Variants in RAPGEF4 observed in about 807,000 individuals in gnomAD.
The protein encoded by RAPGEF4 is RAP guanine-nucleotide-exchange factor (GEF) 4.
A neutral mutation model predicts 147.9 loss-of-function variants in RAPGEF4; 66 were observed. The ratio of observed to expected loss-of-function variants is 0.45; its 90% confidence interval spans 0.37 to 0.55. RAPGEF4 has a LOEUF of 0.55. Among genes scored for constraint, RAPGEF4 ranks in the 20% least tolerant of loss-of-function variants. The pLI, the probability that RAPGEF4 is intolerant of heterozygous loss-of-function variation, is 0.00. For synonymous variants in RAPGEF4, 419 were observed against 442.7 expected, an observed-to-expected ratio of 0.95 and a Z score of 0.67; for missense variants, 1,071 against 1,257.3, an observed-to-expected ratio of 0.85 and a Z score of 2.24.
At chr2:172,739,405 T>A (rs1238399042) in intron 1 of RAPGEF4, among the ~76,000 whole-genome samples, 1 of 151,988 alleles carries the variant, frequency 6.6e-6, no homozygotes, top group Non-Finnish European at 1.5e-5. Context: ...GGAGTCTCAC[T>A]CTGTCACCCA....
At chr2:172,736,089 G>C in intron 1 of RAPGEF4, 41 bp downstream of exon 1, 1 of 1,419,808 alleles carries the variant, frequency 7.0e-7, no homozygotes, top group Non-Finnish European at 9.3e-7. Flanking sequence ...GAGCTCTGCG[G>C]TGCTGCCCGG....
intron 4 of RAPGEF4, among the ~76,000 whole-genome samples, chr2:172,888,092 G>GT (rs1161166627): frequency 1.3e-5 from 2 of 152,176 alleles, no homozygotes; most frequent in Non-Finnish European, 2.9e-5. Flanking sequence ...CTGGAACCAA[G>GT]TAGATGCTCA....
At chr2:172,806,025 G>C (rs199682809) in intron 3 of RAPGEF4, among the ~76,000 whole-genome samples, 12,000 of 96,024 alleles carry the variant, frequency 0.12, 676 homozygotes, top group East Asian at 0.23. Context: ...CTGTGTGTGT[G>C]TGTGTGTGTG....
chr2:172,775,083 T>C (rs894816348), intron 1 of RAPGEF4, among the ~76,000 whole-genome samples: 4 of 152,202 alleles, frequency 2.6e-5, no homozygotes, highest in African/African-American at 9.6e-5. Flanking sequence ...GCTTTTGGCA[T>C]TTAAGAAGCC....
intron 1 of RAPGEF4, among the ~76,000 whole-genome samples, chr2:172,746,443 C>T (rs896017341): frequency 3.9e-5 from 6 of 152,004 alleles, no homozygotes; most frequent in African/African-American, 1.2e-4. Flanking sequence ...GAACATAGCC[C>T]CTCTAATTGC....
intron 22 of RAPGEF4, among the ~76,000 whole-genome samples, chr2:173,019,180 G>A (rs1695797969): frequency 6.6e-6 from 1 of 152,252 alleles, no homozygotes; most frequent in Non-Finnish European, 1.5e-5. Flanking sequence ...TCCAAAGTTG[G>A]AAGTGGTCAG....
rs554473660 is a variant in RAPGEF4 at position 172,816,516 on chromosome 2, C to G, written c.444+2091C>G. On this transcript the variant is annotated intron_variant, in intron 4 of 30. Coordinates refer to ENST00000397081, the MANE Select transcript of RAPGEF4 (RefSeq NM_007023.4). Reference sequence around the variant, plus strand: ...GAAAAGTGATGCTGAGGATATTGCTCTGTTGATGCTACGTTTGATCCCTTG... The same window carrying G: ...GAAAAGTGATGCTGAGGATATTGCTGTGTTGATGCTACGTTTGATCCCTTG... Among the ~76,000 whole-genome samples the G allele has an allele frequency of 1.9e-4, 29 of 152,316 alleles. No individual in the cohort carries two copies. In the South Asian group the frequency reaches 6.0e-3, roughly 32 times the overall value.
intron 4 of RAPGEF4, chr2:172,893,999 G>A (rs1196224306): frequency 6.5e-6 from 1 of 152,808 alleles, no homozygotes; most frequent in Non-Finnish European, 1.5e-5. Context: ...CTACTGGAAA[G>A]CCCCTATTTT....
chr2:173,016,066 C>T (rs1695483053), intron 18 of RAPGEF4, among the ~76,000 whole-genome samples: 1 of 152,064 alleles, frequency 6.6e-6, no homozygotes, highest in African/African-American at 2.4e-5. Flanking sequence ...TATAAATTTT[C>T]CCATTGTAAC....
intron 18 of RAPGEF4, 126 bp from the exon 19 acceptor site, chr2:173,016,223 C>A (rs1695494913): frequency 9.1e-6 from 6 of 657,270 alleles, no homozygotes; most frequent in East Asian, 2.6e-5. Flanking sequence ...TTCCTCCAGT[C>A]CATGAAGCCA....
intron 6 of RAPGEF4, among the ~76,000 whole-genome samples, chr2:172,930,529 CCT>C (rs1266307572): frequency 6.6e-6 from 1 of 152,156 alleles, no homozygotes; most frequent in African/African-American, 2.4e-5. Flanking sequence ...TGTTTGCCCC[CCT>C]CTTTTGAATG....
intron 1 of RAPGEF4, among the ~76,000 whole-genome samples, chr2:172,757,666 T>C (rs1695906369): frequency 6.6e-6 from 1 of 152,252 alleles, no homozygotes; most frequent in African/African-American, 2.4e-5. Flanking sequence ...GAATTAAGTG[T>C]ATGAATGTCA....
chr2:172,828,462 G>A (rs1398466236), intron 4 of RAPGEF4, among the ~76,000 whole-genome samples: 2 of 152,156 alleles, frequency 1.3e-5, no homozygotes, highest in African/African-American at 4.8e-5. Flanking sequence ...GAGCCTCCTG[G>A]CCTTTCTTGA....
chr2:172,996,631 T>G, intron 16 of RAPGEF4, 77 bp downstream of exon 16: 1 of 1,024,990 alleles, frequency 9.8e-7, no homozygotes, highest in Admixed American at 2.7e-5. Flanking sequence ...TCATTTGCAG[T>G]GTGTATAGCG....
chr2:173,003,998 C>T (rs569697552), intron 17 of RAPGEF4, among the ~76,000 whole-genome samples: 2 of 152,224 alleles, frequency 1.3e-5, no homozygotes, highest in South Asian at 2.1e-4. Flanking sequence ...TTCATAGCAG[C>T]CCTATGAAGA....
intron 15 of RAPGEF4, among the ~76,000 whole-genome samples, chr2:172,991,683 A>G (rs1022818064): frequency 5.3e-5 from 8 of 152,222 alleles, no homozygotes; most frequent in Non-Finnish European, 1.2e-4. Context: ...AAAAACACCA[A>G]TTCTGTAGCT....
Position 172,985,428 on chromosome 2 carries a change from T to C in RAPGEF4, c.1090-5T>C, listed in dbSNP as rs1692148527. On this transcript the variant is annotated splice_polypyrimidine_tract_variant and splice_region_variant and intron_variant, in intron 11 of 30. Coordinates refer to ENST00000397081, the MANE Select transcript of RAPGEF4 (RefSeq NM_007023.4). The stretch of plus-strand genomic sequence containing the variant: ...CTTTGCATGTTTCTTCTGTTTTTCT[T>C]CTAGGTGAAACGAGAGTTAGCAGGT... 1 of 1,613,922 alleles carries C rather than the reference T, an allele frequency of 6.2e-7. No individual in the cohort carries two copies. The highest frequency in any genetic ancestry group is 1.3e-5 in the African/African-American group (1 of 74,930).
At chr2:172,786,179 G>A (rs1172465769) in intron 1 of RAPGEF4, among the ~76,000 whole-genome samples, 1 of 152,112 alleles carries the variant, frequency 6.6e-6, no homozygotes, top group Non-Finnish European at 1.5e-5. Flanking sequence ...GCATAATGCA[G>A]GTGGACAGCA....
intron 6 of RAPGEF4, among the ~76,000 whole-genome samples, chr2:172,954,596 A>C (rs2105412711): frequency 6.6e-6 from 1 of 152,314 alleles, no homozygotes. Context: ...TCTGCCTATG[A>C]GTCTGACTTA....
Sources: allele counts gnomAD v4.1 joint callset (sites outside exome capture counted in the v4.1 genomes callset), GRCh38; gene constraint gnomAD v4.1.1; transcripts MANE v1.5; gene names NCBI Gene and HGNC (gene_info 2026-07-23, HGNC 2026-07-21).